GUCY1B1: variants seen among roughly 807,000 people sequenced by gnomAD.
The protein encoded by GUCY1B1 is guanylate cyclase 1 soluble subunit beta 1.
Under a neutral mutation model 71.0 loss-of-function variants are expected in GUCY1B1, and 43 were observed. The ratio of observed to expected loss-of-function variants is 0.61; its 90% CI spans 0.47 to 0.78. The LOEUF is 0.78. Among genes scored for constraint, GUCY1B1 ranks in the 30% least tolerant of loss-of-function variants. The pLI is 0.00. For missense variants in GUCY1B1, 535 were observed against 754.1 expected (o/e 0.71, Z 3.40); for synonymous variants, 266 against 259.7 (o/e 1.02, Z -0.23).
intron 3 of GUCY1B1, among the ~76,000 whole-genome samples, chr4:155,775,899 T>C (rs2340916): frequency 0.04 from 6,088 of 152,314 alleles, 153 homozygotes; most frequent in Non-Finnish European, 0.06. Flanking sequence ...TTAACTGGGC[T>C]ATAGTTTGGA....
intron 11 of GUCY1B1, among the ~76,000 whole-genome samples, chr4:155,804,128 T>C (rs547496197): frequency 5.0e-4 from 76 of 152,296 alleles, no homozygotes; most frequent in African/African-American, 1.1e-3. Context: ...CCTGGGGAGA[T>C]AGAGATTTCA....
intron 5 of GUCY1B1, among the ~76,000 whole-genome samples, chr4:155,790,665 C>A (rs1019953396): frequency 1.1e-4 from 16 of 152,116 alleles, no homozygotes; most frequent in Non-Finnish European, 1.8e-4. Flanking sequence ...TTTTTCCAAC[C>A]TTTCTTTGTT....
intron 2 of GUCY1B1, among the ~76,000 whole-genome samples, chr4:155,762,097 C>A (rs1737034306): frequency 6.6e-6 from 1 of 152,140 alleles, no homozygotes; most frequent in African/African-American, 2.4e-5. Flanking sequence ...AACCCAATAC[C>A]CCTGAGTAAT....
intron 3 of GUCY1B1, among the ~76,000 whole-genome samples, chr4:155,777,270 T>C (rs1738117532): frequency 2.6e-5 from 4 of 152,220 alleles, no homozygotes; most frequent in Non-Finnish European, 5.9e-5. Flanking sequence ...GCTCCACTTA[T>C]AATTTGTAAT....
intron 10 of GUCY1B1, 147 bp from the exon 11 acceptor site, chr4:155,803,477 T>G (rs757712491): frequency 4.3e-6 from 2 of 466,626 alleles, no homozygotes; most frequent in Non-Finnish European, 7.3e-6. Flanking sequence ...TTGTTGGAGT[T>G]GAATATATTA....
At chr4:155,791,409 CCGGCCAGT>C (rs74343333) in intron 5 of GUCY1B1, among the ~76,000 whole-genome samples, 19,445 of 149,580 alleles carry the variant, frequency 0.13, 1,403 homozygotes, top group South Asian at 0.17. Context: ...GCCACCGCGC[CCGGCCAGT>C]CTTTTGTTCT....
In GUCY1B1 at chr4:155,776,754, G is replaced by C. The variant is rs189038119; in HGVS notation, c.179-770G>C. Reference sequence around the variant, plus strand: ...TTATTAAGAAAAAAGCAGGACACCAGGGTACATGTTATATGTAATCAAGTT... The same window carrying C: ...TTATTAAGAAAAAAGCAGGACACCACGGTACATGTTATATGTAATCAAGTT... On this transcript the variant is annotated intron_variant, in intron 3 of 13. Transcript: ENST00000264424. Among the ~76,000 whole-genome samples the C allele has an allele frequency of 2.7e-3, 411 of 152,184 alleles. 2 individuals carry two copies. The highest frequency in any genetic ancestry group is 5.1e-3 in the Non-Finnish European group (349 of 68,008).
At chr4:155,783,874 C>T (rs17033513) in intron 4 of GUCY1B1, among the ~76,000 whole-genome samples, 18,621 of 152,106 alleles carry the variant, frequency 0.12, 1,349 homozygotes, top group South Asian at 0.22. Flanking sequence ...GCATCCACAA[C>T]GCCAATTTCT....
At chr4:155,801,179 C>A (rs962900856) in intron 9 of GUCY1B1, among the ~76,000 whole-genome samples, 2 of 152,176 alleles carry the variant, frequency 1.3e-5, no homozygotes, top group African/African-American at 4.8e-5. Context: ...AGTTAAACAG[C>A]GGCCTTGTCT....
In GUCY1B1 at chr4:155,796,472, A is replaced by G. The variant is rs2229201; in HGVS notation, c.939A>G (p.Leu313=). 2 of 1,609,984 alleles carry G rather than the reference A, an allele frequency of 1.2e-6. No individual in the cohort carries two copies. The highest frequency in any genetic ancestry group is 2.7e-5 in the African/African-American group (2 of 74,850). The part of the protein sequence containing the change: ...CLRLKGQMIY[L]PEADSILFLC... ...GTCTCAAGGGTCAAATGATCTACTT[A>G]CCTGAAGCAGATAGCATACTTTTTC... The change falls in exon 8 of 14, where the codon TTA becomes TTG. Residue 313 remains leucine, a synonymous_variant. Coordinates refer to ENST00000264424, the MANE Select transcript of GUCY1B1 (RefSeq NM_000857.5).
At chr4:155,782,137 G>A (rs555881555) in intron 4 of GUCY1B1, among the ~76,000 whole-genome samples, 3 of 152,166 alleles carry the variant, frequency 2.0e-5, no homozygotes, top group East Asian at 1.9e-4. Flanking sequence ...GTGCAGTGGC[G>A]CAGTCTCGGC....
chr4:155,795,953 A>G (rs1472979046), intron 7 of GUCY1B1, among the ~76,000 whole-genome samples: 1 of 152,126 alleles, frequency 6.6e-6, no homozygotes, highest in Non-Finnish European at 1.5e-5. Flanking sequence ...AGCAAAAGTC[A>G]TTTTCCTAGA....
Position 155,804,640 on chromosome 4 carries a change from A to G in GUCY1B1, c.1602A>G (p.Gly534=), listed in dbSNP as rs1740192835. 6.2e-6 allele frequency: 10 copies of G among 1,612,410 alleles called. No individual in the cohort carries two copies. In the Admixed American group the frequency reaches 6.7e-5, roughly 11 times the overall value. The change falls in exon 12 of 14, where the codon GGA becomes GGG. Residue 534 remains glycine (G), a synonymous_variant. Coordinates refer to ENST00000264424, the MANE Select transcript of GUCY1B1 (RefSeq NM_000857.5). ...HTGEVVTGVI[G]QRMPRYCLFG... Reference sequence around the variant, plus strand: ...GAGAGGTAGTTACAGGTGTCATAGGACAGCGGATGCCTCGATACTGTCTTT... The same window carrying G: ...GAGAGGTAGTTACAGGTGTCATAGGGCAGCGGATGCCTCGATACTGTCTTT...
Position 155,807,023 on chromosome 4 carries a change from T to C in GUCY1B1, c.*614T>C, listed in dbSNP as rs1740362634. 6.6e-6 allele frequency: 1 copy of C among 152,154 alleles called. No individual in the cohort carries two copies. The highest frequency in any genetic ancestry group is 6.6e-5 in the Admixed American group (1 of 15,248). 9.4% of individuals were successfully genotyped at this position (152,154 alleles called of 1,614,324 possible). Reference sequence around the variant, plus strand: ...AAGTATGCTACTTCCCTTTCAGAAATATAGAATACACGTTTCTGTTATTAA... The same window carrying C: ...AAGTATGCTACTTCCCTTTCAGAAACATAGAATACACGTTTCTGTTATTAA... On this transcript the variant is annotated 3_prime_UTR_variant, in exon 14 of 14. Coordinates refer to ENST00000264424, the MANE Select transcript of GUCY1B1 (RefSeq NM_000857.5).
At chr4:155,772,159 C>CT (rs1426515548) in intron 2 of GUCY1B1, among the ~76,000 whole-genome samples, 1 of 152,076 alleles carries the variant, frequency 6.6e-6, no homozygotes, top group Non-Finnish European at 1.5e-5. Context: ...ATTAAAAAGA[C>CT]TTGAGGTCTT....
chr4:155,805,019 C>A, intron 12 of GUCY1B1, 84 bp from the exon 13 acceptor site: 2 of 1,209,184 alleles, frequency 1.7e-6, no homozygotes, highest in East Asian at 2.3e-5. Flanking sequence ...TTCTTGCCAT[C>A]TTGGTTTATA....
chr4:155,785,417 C>A, intron 4 of GUCY1B1: 1 of 618,676 alleles, frequency 1.6e-6, no homozygotes. Context: ...TCTTTACTTT[C>A]TGTAAGTGCT....
At chr4:155,759,636 C>T in intron 1 of GUCY1B1, 151 bp from the exon 2 acceptor site, 1 of 587,020 alleles carries the variant, frequency 1.7e-6, no homozygotes, top group Non-Finnish European at 3.0e-6. Flanking sequence ...GATCCGACTC[C>T]TTTAGTGCAT....
At chr4:155,784,897 G>T (rs911795057) in intron 4 of GUCY1B1, among the ~76,000 whole-genome samples, 1 of 152,046 alleles carries the variant, frequency 6.6e-6, no homozygotes, top group African/African-American at 2.4e-5. Flanking sequence ...CATTTATTTT[G>T]AAACATCCCA....
Sources: gnomAD v4.1 joint callset for allele counts (sites outside exome capture counted in the v4.1 genomes callset) on GRCh38, gnomAD v4.1.1 for gene constraint, MANE v1.5 for transcripts, NCBI Gene and HGNC (gene_info 2026-07-23, HGNC 2026-07-21) for gene names.